Variants in RBFOX1 observed in about 807,000 individuals in gnomAD.
RBFOX1 encodes the protein RNA binding protein fox-1 homolog 1.
Under a neutral mutation model 57.7 loss-of-function variants are expected in RBFOX1, and 8 were observed. That is an observed-to-expected ratio of 0.14 (90% CI 0.08 to 0.25). The LOEUF (loss-of-function observed/expected upper bound fraction) is 0.25, where lower values mean the gene tolerates loss of function less well. Ranked by LOEUF, RBFOX1 falls within the 10% of genes least tolerant of loss-of-function variation. RBFOX1 has a pLI of 1.00. For synonymous variants in RBFOX1, 326 were observed against 222.4 expected (o/e 1.47, Z -4.15); for missense variants, 611 against 548.5 (o/e 1.11, Z -1.14).
intron 3 of RBFOX1, among the ~76,000 whole-genome samples, chr16:6,827,008 A>G (rs2092235517): frequency 6.6e-6 from 1 of 152,144 alleles, no homozygotes; most frequent in South Asian, 2.1e-4. Context: ...CCATGCTGTA[A>G]ACTAACTTTT....
At chr16:6,545,439 C>T (rs367672071) in intron 2 of RBFOX1, among the ~76,000 whole-genome samples, 26 of 152,288 alleles carry the variant, frequency 1.7e-4, no homozygotes, top group African/African-American at 6.3e-4. Flanking sequence ...CTTTCAACAC[C>T]CTGTCCTCCA....
chr16:5,802,971 C>G (rs941569252), intron 3 of RBFOX1, among the ~76,000 whole-genome samples: 5 of 152,314 alleles, frequency 3.3e-5, no homozygotes, highest in African/African-American at 9.6e-5. Context: ...TGTATGGACA[C>G]AGCCCCTTGA....
Position 6,873,111 on chromosome 16 carries a change from C to T in RBFOX1, c.-15-178946C>T, listed in dbSNP as rs576434670. Among the ~76,000 whole-genome samples, 12 of 150,112 alleles carry T rather than the reference C, an allele frequency of 8.0e-5. No homozygotes were observed. The South Asian group carries it at 2.3e-3, about 29-fold the overall frequency. On this transcript the variant is annotated intron_variant, in intron 3 of 15. Coordinates refer to ENST00000550418, the MANE Select transcript of RBFOX1 (RefSeq NM_018723.4). ...TACCTTGTATTTCTTACTTGAGAAA[C>T]TTTTAGTTTCTATGCATTGGAAAAA...
intron 4 of RBFOX1, among the ~76,000 whole-genome samples, chr16:7,083,998 G>T (rs2059598884): frequency 6.6e-6 from 1 of 152,030 alleles, no homozygotes; most frequent in African/African-American, 2.4e-5. Context: ...TTGATACCCT[G>T]TGACCTGTTA....
At chr16:5,758,870 C>T (rs7205418) in intron 3 of RBFOX1, among the ~76,000 whole-genome samples, 2 of 152,042 alleles carry the variant, frequency 1.3e-5, no homozygotes, top group South Asian at 2.1e-4. Context: ...GTGGCAAAAG[C>T]GTGGCTGACC....
At chr16:7,088,942 C>G (rs1372473872) in intron 4 of RBFOX1, among the ~76,000 whole-genome samples, 1 of 152,162 alleles carries the variant, frequency 6.6e-6, no homozygotes, top group Admixed American at 6.5e-5. Context: ...TGCTCTGGTT[C>G]AACTCAGATC....
chr16:7,487,848 C>T (rs888190618), intron 4 of RBFOX1, among the ~76,000 whole-genome samples: 3 of 152,174 alleles, frequency 2.0e-5, no homozygotes, highest in Non-Finnish European at 4.4e-5. Context: ...AAAAAAGCTG[C>T]AGCTTAATGA....
chr16:6,052,003 C>G (rs2095557039), intron 1 of RBFOX1, among the ~76,000 whole-genome samples: 1 of 152,190 alleles, frequency 6.6e-6, no homozygotes, highest in Non-Finnish European at 1.5e-5. Flanking sequence ...GACTTCTAGT[C>G]TTGCTCTCTC....
At chr16:7,682,400 C>T (rs1009316808) in intron 14 of RBFOX1, among the ~76,000 whole-genome samples, 3 of 151,990 alleles carry the variant, frequency 2.0e-5, no homozygotes, top group Non-Finnish European at 4.4e-5. Flanking sequence ...ATGCCATCTT[C>T]CCAGCTGGGA....
chr16:6,964,150 T>A (rs1324205817), intron 3 of RBFOX1, among the ~76,000 whole-genome samples: 1 of 152,084 alleles, frequency 6.6e-6, no homozygotes, highest in East Asian at 1.9e-4. Flanking sequence ...CCCAAGTAGG[T>A]GAGATTACAG....
intron 1 of RBFOX1, among the ~76,000 whole-genome samples, chr16:6,067,278 T>C (rs1009292193): frequency 6.6e-6 from 1 of 152,310 alleles, no homozygotes; most frequent in African/African-American, 2.4e-5. Flanking sequence ...TTTTTCGTTC[T>C]GGGGCTGTAC....
intron 10 of RBFOX1, among the ~76,000 whole-genome samples, chr16:7,627,075 G>C: frequency 6.7e-6 from 1 of 150,052 alleles, no homozygotes; most frequent in East Asian, 2.0e-4. Context: ...GAGAGAAGAG[G>C]TCACTTTTAA....
chr16:6,450,407 A>G lies in RBFOX1; in HGVS notation c.-64+133350A>G, dbSNP rs2094565581. On this transcript the variant is annotated intron_variant, in intron 2 of 15. Coordinates refer to ENST00000550418, the MANE Select transcript of RBFOX1 (RefSeq NM_018723.4). ...TCCAGCCTTAAGGAATAACTGTGCTAATTTTATTGGTTATTTATTGGTTTA... is the reference window on the plus strand; with the variant it reads ...TCCAGCCTTAAGGAATAACTGTGCTGATTTTATTGGTTATTTATTGGTTTA... Among the ~76,000 whole-genome samples the G allele has an allele frequency of 3.3e-5, 5 of 151,926 alleles. No homozygotes were observed. The South Asian group carries it at 1.0e-3, about 31-fold the overall frequency.
intron 3 of RBFOX1, among the ~76,000 whole-genome samples, chr16:5,834,522 G>C (rs1338191845): frequency 6.6e-6 from 1 of 152,028 alleles, no homozygotes; most frequent in Non-Finnish European, 1.5e-5. Flanking sequence ...CACTTGGTTT[G>C]TTTCATATAT....
intron 1 of RBFOX1, among the ~76,000 whole-genome samples, chr16:5,242,632 A>G (rs1322676294): frequency 1.3e-5 from 2 of 152,202 alleles, no homozygotes; most frequent in Middle Eastern, 3.2e-3. Context: ...GTGCCCTTTT[A>G]TGAGATTTTG....
chr16:5,841,755 A>C (rs1178957721), intron 3 of RBFOX1, among the ~76,000 whole-genome samples: 1 of 152,188 alleles, frequency 6.6e-6, no homozygotes, highest in Non-Finnish European at 1.5e-5. Context: ...CCAGCCCATC[A>C]ACTGAACAGG....
At chr16:6,835,369 A>G (rs1343080163) in intron 3 of RBFOX1, among the ~76,000 whole-genome samples, 1 of 152,166 alleles carries the variant, frequency 6.6e-6, no homozygotes, top group Non-Finnish European at 1.5e-5. Context: ...CATAATCAGG[A>G]CAGGAAAAGA....
At chr16:5,292,588 G>A (rs1471473960) in intron 1 of RBFOX1, among the ~76,000 whole-genome samples, 1 of 152,128 alleles carries the variant, frequency 6.6e-6, no homozygotes, top group Non-Finnish European at 1.5e-5. Context: ...TGGTGGAGGG[G>A]AGTCAATGGA....
intron 6 of RBFOX1, among the ~76,000 whole-genome samples, chr16:7,580,772 A>T (rs2152842349): frequency 6.6e-6 from 1 of 152,360 alleles, no homozygotes; most frequent in African/African-American, 2.4e-5. Context: ...AAGCTGTGAC[A>T]GGGCTTGGAT....
Sources: allele counts gnomAD v4.1 joint callset (sites outside exome capture counted in the v4.1 genomes callset), GRCh38; gene constraint gnomAD v4.1.1; transcripts MANE v1.5; gene names NCBI Gene and HGNC (gene_info 2026-07-23, HGNC 2026-07-21).